The following FANCC variants were observed in gnomAD, a reference collection of about 807,000 sequenced individuals.
The protein encoded by FANCC is Fanconi anemia group C protein.
A neutral mutation model predicts 71.3 loss-of-function variants in FANCC; 55 were observed. The ratio of observed to expected loss-of-function variants is 0.77; its 90% confidence interval spans 0.62 to 0.97. The LOEUF is 0.97. FANCC is among the 50% of genes least tolerant of loss of function. The pLI is 0.00. For synonymous variants in FANCC, 275 were observed against 244.9 expected (o/e 1.12, Z -1.15); for missense variants, 678 against 670.9 (o/e 1.01, Z -0.12).
intron 4 of FANCC, among the ~76,000 whole-genome samples, chr9:95,181,373 A>G (rs1056085569): frequency 1.3e-5 from 2 of 152,136 alleles, no homozygotes; most frequent in African/African-American, 4.8e-5. Context: ...GGTCCTCTAA[A>G]TTTTTATTTT....
chr9:95,298,553 A>G (rs1834535686), intron 1 of FANCC, among the ~76,000 whole-genome samples: 1 of 152,222 alleles, frequency 6.6e-6, no homozygotes, highest in Admixed American at 6.5e-5. Flanking sequence ...GTCTGGGCCA[A>G]GGACAATAGA....
intron 7 of FANCC, among the ~76,000 whole-genome samples, chr9:95,139,539 T>C (rs1030772407): frequency 2.0e-5 from 3 of 151,862 alleles, no homozygotes; most frequent in African/African-American, 7.3e-5. Context: ...CGGAACAGAG[T>C]GTGGGCCTCG....
intron 1 of FANCC, among the ~76,000 whole-genome samples, chr9:95,259,527 A>G (rs1157349172): frequency 6.6e-6 from 1 of 152,220 alleles, no homozygotes; most frequent in Non-Finnish European, 1.5e-5. Context: ...CTTACACCTT[A>G]TACAAAAATT....
chr9:95,258,503 A>T (rs1831810711), intron 1 of FANCC, among the ~76,000 whole-genome samples: 2 of 152,226 alleles, frequency 1.3e-5, no homozygotes, highest in Non-Finnish European at 2.9e-5. Flanking sequence ...TTCATGCTAA[A>T]AACTCTCAAT....
chr9:95,232,899 T>A (rs1830094066), intron 4 of FANCC, among the ~76,000 whole-genome samples: 2 of 152,214 alleles, frequency 1.3e-5, no homozygotes, highest in African/African-American at 4.8e-5. Context: ...TTCATGTTCA[T>A]CAGGAAAGAT....
At chr9:95,266,150 G>C (rs1832372800) in intron 1 of FANCC, among the ~76,000 whole-genome samples, 1 of 152,182 alleles carries the variant, frequency 6.6e-6, no homozygotes, top group Non-Finnish European at 1.5e-5. Flanking sequence ...ACTGTTGAGA[G>C]CTCCCAGTAT....
chr9:95,137,547 C>G (rs752132732), intron 7 of FANCC, among the ~76,000 whole-genome samples: 2 of 152,130 alleles, frequency 1.3e-5, no homozygotes, highest in African/African-American at 2.4e-5. Flanking sequence ...CTGGACATGC[C>G]ATTTCCTCAG....
intron 1 of FANCC, among the ~76,000 whole-genome samples, chr9:95,282,673 CAT>C (rs1176382181): frequency 6.6e-6 from 1 of 152,166 alleles, no homozygotes; most frequent in African/African-American, 2.4e-5. Flanking sequence ...CAGTATAAAT[CAT>C]ATGTTAGGCC....
intron 7 of FANCC, among the ~76,000 whole-genome samples, chr9:95,144,861 C>G (rs558804719): frequency 6.6e-6 from 1 of 152,302 alleles, no homozygotes; most frequent in South Asian, 2.1e-4. Context: ...CCGCGCCGCA[C>G]GTTCACAACG....
rs992013861 is a variant in FANCC at position 95,144,913 on chromosome 9, C to T, written c.686+5010G>A. ...TCACATAAGGACCAAACATAACGCT[C>T]GGACTCCTCAGAAAGCTCACTCCAC... is the stretch of plus-strand genomic sequence containing the variant. On this transcript the variant is annotated intron_variant, in intron 7 of 14. Coordinates refer to ENST00000289081, the MANE Select transcript of FANCC (RefSeq NM_000136.3). Among the ~76,000 whole-genome samples the T allele has an allele frequency of 7.9e-5, 12 of 152,156 alleles. No individual in the cohort carries two copies. In the South Asian group the frequency reaches 2.3e-3, roughly 29 times the overall value.
intron 4 of FANCC, among the ~76,000 whole-genome samples, chr9:95,181,401 T>C (rs1056707689): frequency 2.6e-5 from 4 of 152,138 alleles, no homozygotes; most frequent in African/African-American, 4.8e-5. Context: ...ACTTAAATAT[T>C]GATGAGCATT....
intron 4 of FANCC, 107 bp from the exon 5 acceptor site, chr9:95,172,254 C>A: frequency 1.5e-6 from 1 of 664,434 alleles, no homozygotes; most frequent in Non-Finnish European, 2.6e-6. Context: ...CTCTATGAAA[C>A]AAAAAAATCT....
chr9:95,287,303 A>G (rs1015619968), intron 1 of FANCC, among the ~76,000 whole-genome samples: 8 of 152,126 alleles, frequency 5.3e-5, no homozygotes, highest in Non-Finnish European at 1.0e-4. Context: ...GTTTTTATCC[A>G]TATCAAAAGC....
In FANCC at chr9:95,249,442, G is replaced by A. The variant is rs141274921; in HGVS notation, c.-78-73C>T. On this transcript the variant is annotated intron_variant, in intron 1 of 14. Transcript: ENST00000289081. ...CAGTGCCTTCACGACCCATTGATGGGTGAAGGAGGGATTACAAAGAACTAA... is the reference window on the plus strand; with the variant it reads ...CAGTGCCTTCACGACCCATTGATGGATGAAGGAGGGATTACAAAGAACTAA... The A allele has an allele frequency of 2.3e-3, 1,692 of 720,778 alleles. 8 individuals are homozygous for A. The highest frequency in any genetic ancestry group is 0.015 in the Middle Eastern group (57 of 3,858). The allele number at this position is 720,778 out of a possible 1,614,324, so 44.6% of individuals were successfully genotyped here. A position where few individuals can be genotyped will look rare whatever the true frequency, so the allele number is the denominator to read the frequency against.
At chr9:95,176,227 A>T (rs1194252417) in intron 4 of FANCC, among the ~76,000 whole-genome samples, 1 of 152,158 alleles carries the variant, frequency 6.6e-6, no homozygotes, top group Non-Finnish European at 1.5e-5. Context: ...CCTTATAATG[A>T]ACCTCCCTGT....
intron 4 of FANCC, among the ~76,000 whole-genome samples, chr9:95,210,469 A>G (rs1298387872): frequency 6.6e-6 from 1 of 152,224 alleles, no homozygotes; most frequent in Non-Finnish European, 1.5e-5. Context: ...CACAATGACA[A>G]TAATTAACAT....
chr9:95,148,764 G>A (rs1387872089), intron 7 of FANCC, among the ~76,000 whole-genome samples: 6 of 152,180 alleles, frequency 3.9e-5, no homozygotes, highest in Admixed American at 3.9e-4. Flanking sequence ...ACAGACCAAT[G>A]GGTTTCTAAT....
intron 12 of FANCC, chr9:95,114,372 C>T (rs755147924): frequency 9.7e-6 from 5 of 517,738 alleles, no homozygotes; most frequent in South Asian, 8.0e-5. Flanking sequence ...AATCTAAAAC[C>T]AGACGTTAAT....
At chr9:95,102,908 G>C (rs778451694) in intron 14 of FANCC, among the ~76,000 whole-genome samples, 2 of 152,238 alleles carry the variant, frequency 1.3e-5, no homozygotes, top group Non-Finnish European at 2.9e-5. Flanking sequence ...CAGCCGGCCT[G>C]CAACGAGCCC....
Sources: allele counts gnomAD v4.1 joint callset (sites outside exome capture counted in the v4.1 genomes callset), GRCh38; gene constraint gnomAD v4.1.1; transcripts MANE v1.5; gene names NCBI Gene and HGNC (gene_info 2026-07-23, HGNC 2026-07-21).